The following ARHGAP12 variants were observed in gnomAD, a reference collection of about 807,000 sequenced individuals.
The protein encoded by ARHGAP12 is Rho GTPase activating protein 12.
ARHGAP12 carries 64 observed loss-of-function variants against 108.6 expected under a neutral mutation model. The ratio of observed to expected loss-of-function variants is 0.59; its 90% CI spans 0.48 to 0.73. ARHGAP12 has a LOEUF of 0.73. Ranked by LOEUF, ARHGAP12 falls within the 30% of genes least tolerant of loss-of-function variation. ARHGAP12 has a pLI of 0.00. For synonymous variants in ARHGAP12, 312 were observed against 337.2 expected, an observed-to-expected ratio of 0.93 and a Z score of 0.82; for missense variants, 940 against 1,005.9, an observed-to-expected ratio of 0.93 and a Z score of 0.89.
At chr10:31,828,890 G>T (rs1278007795) in intron 10 of ARHGAP12, among the ~76,000 whole-genome samples, 1 of 152,124 alleles carries the variant, frequency 6.6e-6, no homozygotes, top group African/African-American at 2.4e-5. Flanking sequence ...GGTAGCTCAC[G>T]CCTGCAATCC....
chr10:31,861,532 A>G lies in ARHGAP12; in HGVS notation c.811T>C (p.Trp271Arg). 3 of 1,614,106 alleles carry G rather than the reference A, an allele frequency of 1.9e-6. No homozygotes were observed. Among genetic ancestry groups the G allele is most frequent in the Non-Finnish European group, 2.5e-6 (3 of 1,180,024 alleles). ...GSPAIQINGEWETHKDSSGRC... is the reference protein window; with the variant it reads ...GSPAIQINGERETHKDSSGRC... The stretch of plus-strand genomic sequence containing the variant: ...CCTGAGCTGTCTTTATGAGTTTCCC[A>G]TTCTCCATTAATCTGAATTGCCGGG... Residue 271 changes from tryptophan to arginine, a missense_variant, in exon 4 of 20, where the codon TGG becomes CGG. Trp to Arg is a moderately radical substitution (Grantham distance 101). Coordinates refer to ENST00000344936, the MANE Select transcript of ARHGAP12 (RefSeq NM_018287.7).
chr10:31,825,053 C>G (rs954948568), intron 11 of ARHGAP12, among the ~76,000 whole-genome samples: 2 of 152,080 alleles, frequency 1.3e-5, no homozygotes, highest in Non-Finnish European at 2.9e-5. Context: ...AATTTCAACC[C>G]TTTCACAGGT....
At chr10:31,925,786 T>A (rs1840010816) in intron 1 of ARHGAP12, among the ~76,000 whole-genome samples, 1 of 152,188 alleles carries the variant, frequency 6.6e-6, no homozygotes, top group South Asian at 2.1e-4. Flanking sequence ...GATACAGCAG[T>A]CACTAGTCAA....
chr10:31,927,690 G>C (rs1645456424), intron 1 of ARHGAP12, among the ~76,000 whole-genome samples: 1 of 152,158 alleles, frequency 6.6e-6, no homozygotes, highest in Non-Finnish European at 1.5e-5. Context: ...TTTCAACGTC[G>C]TGCTTTAGCC....
At chr10:31,865,877 CAA>C (rs34210099) in intron 3 of ARHGAP12, among the ~76,000 whole-genome samples, 6 of 127,868 alleles carry the variant, frequency 4.7e-5, no homozygotes, top group Admixed American at 7.7e-5. Flanking sequence ...GACTCCGTCT[CAA>C]AAAAAAAAAA....
intron 6 of ARHGAP12, among the ~76,000 whole-genome samples, chr10:31,847,690 G>A (rs1000071350): frequency 6.6e-6 from 1 of 152,048 alleles, no homozygotes; most frequent in Non-Finnish European, 1.5e-5. Context: ...GCATAGGGAG[G>A]ATGCATCACA....
intron 3 of ARHGAP12, among the ~76,000 whole-genome samples, chr10:31,897,931 G>A (rs1838769665): frequency 6.6e-6 from 1 of 152,136 alleles, no homozygotes. Context: ...TTTGAGGCCA[G>A]CGTGGGCAAC....
intron 3 of ARHGAP12, among the ~76,000 whole-genome samples, chr10:31,895,252 A>G (rs1159795467): frequency 6.6e-6 from 1 of 152,240 alleles, no homozygotes; most frequent in Non-Finnish European, 1.5e-5. Context: ...GACAAATGGG[A>G]TCGAATTAAA....
rs575753730 is a variant in ARHGAP12, at chr10:31,904,008, T to C, written c.684+4164A>G. ...AACTGGATTACTCATACGTTGCTGG[T>C]GGGAATTTAAAATGATACTGTCACT... is the stretch of plus-strand genomic sequence containing the variant. On this transcript the variant is annotated intron_variant, in intron 3 of 19. Transcript: ENST00000344936. 1.5e-4 allele frequency among the ~76,000 whole-genome samples: 23 copies of C among 152,300 alleles called. 2 individuals are homozygous for C. The South Asian group carries it at 4.8e-3, about 32-fold the overall frequency.
chr10:31,837,374 AAAGAT>A (rs1422996636), intron 9 of ARHGAP12, among the ~76,000 whole-genome samples: 7 of 152,198 alleles, frequency 4.6e-5, no homozygotes, highest in Admixed American at 4.6e-4. Context: ...AAATAATGCA[AAAGAT>A]AAGTAGATGC....
At chr10:31,921,763 C>CAAAAAAAAAAAAAAAA (rs57420280) in intron 1 of ARHGAP12, among the ~76,000 whole-genome samples, 2 of 37,916 alleles carry the variant, frequency 5.3e-5, no homozygotes, top group African/African-American at 8.5e-5. Flanking sequence ...GGCTCCATCT[C>CAAAAAAAAAAAAAAAA]AAAAAAAAAA....
At chr10:31,810,457 G>A (rs1834974619) in intron 16 of ARHGAP12, among the ~76,000 whole-genome samples, 192 bp downstream of exon 16, 1 of 152,060 alleles carries the variant, frequency 6.6e-6, no homozygotes, top group Admixed American at 6.6e-5. Flanking sequence ...GCAGATGCCT[G>A]GAGAGATCTT....
chr10:31,909,064 G>T (rs917423406), intron 2 of ARHGAP12, 138 bp from the exon 3 acceptor site: 2 of 538,834 alleles, frequency 3.7e-6, no homozygotes, highest in Non-Finnish European at 6.4e-6. Flanking sequence ...AAGCAAACAT[G>T]TGTCTACTAT....
chr10:31,872,615 T>C (rs1837582491), intron 3 of ARHGAP12, among the ~76,000 whole-genome samples: 1 of 152,202 alleles, frequency 6.6e-6, no homozygotes, highest in Non-Finnish European at 1.5e-5. Flanking sequence ...AAATCACCCA[T>C]GGGGTCTACT....
At chr10:31,841,425 G>C (rs1836261936) in intron 7 of ARHGAP12, among the ~76,000 whole-genome samples, 1 of 152,118 alleles carries the variant, frequency 6.6e-6, no homozygotes, top group Admixed American at 6.5e-5. Flanking sequence ...GCATTCACTA[G>C]AAAACATACT....
At chr10:31,885,357 A>G (rs914544780) in intron 3 of ARHGAP12, among the ~76,000 whole-genome samples, 2 of 152,212 alleles carry the variant, frequency 1.3e-5, no homozygotes, top group African/African-American at 4.8e-5. Context: ...CACGTTAAGT[A>G]TCTATCCAGT....
chr10:31,811,665 T>TTTTTATTTTATTTTATTTTA (rs71515537), intron 15 of ARHGAP12, among the ~76,000 whole-genome samples: 5 of 150,164 alleles, frequency 3.3e-5, no homozygotes, highest in Admixed American at 2.7e-4. Context: ...TTAAATACCT[T>TTTTTATTTTATTTTATTTTA]TTTTATTTTA....
chr10:31,888,801 G>GA (rs1390752042), intron 3 of ARHGAP12, among the ~76,000 whole-genome samples: 2 of 151,618 alleles, frequency 1.3e-5, no homozygotes, highest in African/African-American at 2.4e-5. Context: ...CAGAGTTTAG[G>GA]AAAAAAAGGT....
chr10:31,839,373 A>G, intron 8 of ARHGAP12, 54 bp from the exon 9 acceptor site: 1 of 1,533,002 alleles, frequency 6.5e-7, no homozygotes. Context: ...GGAATTTTAT[A>G]TTTATTTTTA....
Sources: gnomAD v4.1 joint callset for allele counts (sites outside exome capture counted in the v4.1 genomes callset) on GRCh38, gnomAD v4.1.1 for gene constraint, MANE v1.5 for transcripts, NCBI Gene and HGNC (gene_info 2026-07-23, HGNC 2026-07-21) for gene names.